Variants in ZMYM1 observed in about 807,000 individuals in gnomAD.
ZMYM1 encodes the protein zinc finger MYM-type protein 1.
A neutral mutation model predicts 60.0 loss-of-function variants in ZMYM1; 39 were observed. The ratio of observed to expected loss-of-function variants is 0.65; its 90% CI spans 0.50 to 0.85. ZMYM1 has a LOEUF of 0.85. ZMYM1 is among the 40% of genes least tolerant of loss of function. The pLI is 0.00. For missense variants in ZMYM1, 1,171 were observed against 1,309.5 expected (o/e 0.89, Z 1.63); for synonymous variants, 413 against 454.0 (o/e 0.91, Z 1.15).
At chr1:35,103,274 A>C (rs1643750778) in intron 4 of ZMYM1, among the ~76,000 whole-genome samples, 1 of 152,148 alleles carries the variant, frequency 6.6e-6, no homozygotes, top group African/African-American at 2.4e-5. Flanking sequence ...CTCTCCCCCC[A>C]GTGCCTGTCA....
chr1:35,079,297 A>G (rs543123741), upstream of ZMYM1: 1 of 152,164 alleles, frequency 6.6e-6, no homozygotes, highest in Non-Finnish European at 1.5e-5. Flanking sequence ...GCTCTTCCCA[A>G]TTCAGGGAGC....
rs750142779 is a variant in ZMYM1 at position 35,113,917 on chromosome 1, C to G, written c.2087C>G (p.Thr696Ser). 1 of 1,613,752 alleles carries G rather than the reference C, an allele frequency of 6.2e-7. No individual in the cohort carries two copies. Among genetic ancestry groups the G allele is most frequent in the Non-Finnish European group, 8.5e-7 (1 of 1,179,898 alleles). Residue 696 changes from threonine (T) to serine (S), a missense_variant, in exon 10 of 10, where the codon ACT becomes AGT. Thr to Ser is a moderately conservative substitution (Grantham distance 58). Coordinates refer to ENST00000359858, the MANE Select transcript of ZMYM1 (RefSeq NM_024772.5). ...ATGACTGGGACCCACTTACATAGGA[C>G]TATCAAAACTTATCTGCAGCAAATT... ...EEMTGTHLHR[T>S]IKTYLQQIGV... is the part of the protein sequence containing the mutation.
At chr1:35,108,881 TTG>T (rs1451319722) in intron 6 of ZMYM1, among the ~76,000 whole-genome samples, 1 of 151,898 alleles carries the variant, frequency 6.6e-6, no homozygotes, top group Non-Finnish European at 1.5e-5. Flanking sequence ...TGGTTAATGT[TTG>T]TGTTTTTTGT....
At chr1:35,088,524 T>G (rs936851975) in intron 1 of ZMYM1, among the ~76,000 whole-genome samples, 3 of 147,204 alleles carry the variant, frequency 2.0e-5, no homozygotes, top group African/African-American at 7.5e-5. Flanking sequence ...GTATATATAT[T>G]TTATATTACT....
intron 1 of ZMYM1, among the ~76,000 whole-genome samples, chr1:35,069,449 G>A (rs1642031419): frequency 6.6e-6 from 1 of 151,892 alleles, no homozygotes; most frequent in African/African-American, 2.4e-5. Context: ...CTGTTTTTTT[G>A]TTGTTGAGTT....
At chr1:35,075,976 A>G (rs544711712), upstream of ZMYM1, among the ~76,000 whole-genome samples, 13 of 152,280 alleles carry the variant, frequency 8.5e-5, no homozygotes, top group African/African-American at 3.1e-4. Context: ...CCTTTTATCC[A>G]GAACACCAAA....
At chr1:35,073,629 A>C (rs1642113074) in intron 1 of ZMYM1, among the ~76,000 whole-genome samples, 1 of 151,504 alleles carries the variant, frequency 6.6e-6, no homozygotes. Flanking sequence ...AAGAAAGGAA[A>C]TAAAAAAAGA....
At chr1:35,068,606 C>G (rs1453294660) in intron 1 of ZMYM1, among the ~76,000 whole-genome samples, 2 of 147,110 alleles carry the variant, frequency 1.4e-5, no homozygotes, top group Non-Finnish European at 3.0e-5. Context: ...GACTTTTCAA[C>G]ATATGGTGTT....
upstream of ZMYM1, among the ~76,000 whole-genome samples, chr1:35,078,266 A>G (rs1024704547): frequency 5.9e-5 from 9 of 152,194 alleles, no homozygotes; most frequent in Admixed American, 5.9e-4. Context: ...TAAGGACCAT[A>G]GCAGCAAGGA....
chr1:35,099,907 A>T (rs1163568240), intron 4 of ZMYM1, among the ~76,000 whole-genome samples: 1 of 151,536 alleles, frequency 6.6e-6, no homozygotes. Context: ...TTTGTCTGAG[A>T]CGGAGTCTCG....
At chr1:35,106,333 G>A (rs756633783) in intron 6 of ZMYM1, among the ~76,000 whole-genome samples, 25 of 152,058 alleles carry the variant, frequency 1.6e-4, no homozygotes, top group Admixed American at 3.9e-4. Flanking sequence ...AGTTGGCCGG[G>A]TGCAGTGGCT....
At chr1:35,099,456 T>C (rs1401820184) in intron 4 of ZMYM1, among the ~76,000 whole-genome samples, 2 of 152,172 alleles carry the variant, frequency 1.3e-5, no homozygotes, top group African/African-American at 4.8e-5. Context: ...GTGTAAGTTC[T>C]CCTAGGCATG....
rs1464546786 is a variant in ZMYM1 at position 35,088,454 on chromosome 1, A to ATATG, written c.-74-5459_-74-5458insATGT. On this transcript the variant is annotated intron_variant, in intron 1 of 9. Coordinates refer to ENST00000359858, the MANE Select transcript of ZMYM1 (RefSeq NM_024772.5). Reference sequence around the variant, plus strand: ...TATGTGTATATATATATATATATATATGTGTGTGTGTGTGTGTGTGTGTGT... The same window carrying ATATG: ...TATGTGTATATATATATATATATATATATGTGTGTGTGTGTGTGTGTGTGTGTGT... 7.1e-3 allele frequency among the ~76,000 whole-genome samples: 765 copies of ATATG among 107,194 alleles called. 8 individuals carry two copies. The highest frequency in any genetic ancestry group is 0.023 in the African/African-American group (539 of 23,446). The allele number at this position is 107,194 out of a possible 152,430, so 70.3% of individuals were successfully genotyped here.
intron 4 of ZMYM1, among the ~76,000 whole-genome samples, chr1:35,098,126 G>T (rs1302277704): frequency 6.6e-6 from 1 of 151,820 alleles, no homozygotes; most frequent in Non-Finnish European, 1.5e-5. Context: ...TGGGATTATT[G>T]TTTATCCATT....
At chr1:35,075,794 T>C (rs1267914844), upstream of ZMYM1, among the ~76,000 whole-genome samples, 1 of 152,078 alleles carries the variant, frequency 6.6e-6, no homozygotes, top group African/African-American at 2.4e-5. Context: ...GGAAAACCAA[T>C]CCATCATCTA....
rs1252134213 is a variant in ZMYM1, at chr1:35,104,325, T to A, written c.450T>A (p.Ser150Arg). 6.2e-6 allele frequency: 10 copies of A among 1,602,572 alleles called. No homozygotes were observed. The highest frequency in any genetic ancestry group is 3.6e-5 in the Admixed American group (2 of 55,984). ...KDILNPKDVISVQLEDTTSCK... is the reference protein window; with the variant it reads ...KDILNPKDVIRVQLEDTTSCK... ...TTTTAAATCCAAAGGATGTGATTAGTGTCCAGCTGGAAGACACTACCTCTT... is the reference window on the plus strand; with the variant it reads ...TTTTAAATCCAAAGGATGTGATTAGAGTCCAGCTGGAAGACACTACCTCTT... Residue 150 changes from serine to arginine, a missense_variant, in exon 5 of 10, where the codon AGT becomes AGA. Transcript: ENST00000359858.
chr1:35,076,371 C>T (rs569516816), upstream of ZMYM1, among the ~76,000 whole-genome samples: 1 of 152,182 alleles, frequency 6.6e-6, no homozygotes, highest in Non-Finnish European at 1.5e-5. Flanking sequence ...CCTGTAATCC[C>T]AGCACTTTGG....
chr1:35,080,098 C>CAAA lies in ZMYM1; in HGVS notation c.-75+665_-75+667dup, dbSNP rs56835808. On this transcript the variant is annotated intron_variant, in intron 1 of 9. Transcript: ENST00000359858. The stretch of plus-strand genomic sequence containing the variant: ...TGCACTCCAGAGCGAGACCCCGTCT[C>CAAA]AAAAAAAAAAATGAAATGTTTGCTG... 4.8e-3 allele frequency among the ~76,000 whole-genome samples: 722 copies of CAAA among 149,424 alleles called. 3 individuals carry two copies. Among genetic ancestry groups the CAAA allele is most frequent in the African/African-American group, 9.5e-3 (388 of 40,920 alleles).
At chr1:35,082,454 C>T (rs1392413768) in intron 1 of ZMYM1, among the ~76,000 whole-genome samples, 2 of 151,682 alleles carry the variant, frequency 1.3e-5, no homozygotes, top group Non-Finnish European at 2.9e-5. Context: ...CCTCAGCTTC[C>T]CGAGTAGCTG....
Sources: allele counts gnomAD v4.1 joint callset (sites outside exome capture counted in the v4.1 genomes callset), GRCh38; gene constraint gnomAD v4.1.1; transcripts MANE v1.5; gene names NCBI Gene and HGNC (gene_info 2026-07-23, HGNC 2026-07-21).